TMEM63A: variants seen among roughly 807,000 people sequenced by gnomAD.
The protein encoded by TMEM63A is mechanosensitive cation channel TMEM63A.
In TMEM63A, 76 loss-of-function variants were observed where a neutral mutation model predicts 100.6. The observed-to-expected ratio is 0.76, with a 90% CI of 0.63 to 0.91. The LOEUF (loss-of-function observed/expected upper bound fraction) is 0.91. TMEM63A is among the 40% of genes least tolerant of loss of function. The probability of loss-of-function intolerance (pLI) is 0.00; values close to 1 mark genes in which losing one functional copy is unlikely to be tolerated. For synonymous variants in TMEM63A, 401 were observed against 401.1 expected (o/e 1.00, Z 0.00); for missense variants, 876 against 1,008.8 (o/e 0.87, Z 1.78).
rs187428730 is a variant in TMEM63A at position 225,854,786 on chromosome 1, C to T, written c.1635-995G>A. The stretch of plus-strand genomic sequence containing the variant: ...GAAGCCGTGGGTTCAGCTGAAGTCA[C>T]CTAGAGAGGCAGTGTGGACCCAGAA... On this transcript the variant is annotated intron_variant, in intron 18 of 24. Transcript: ENST00000366835. 3.7e-4 allele frequency among the ~76,000 whole-genome samples: 57 copies of T among 152,260 alleles called. 2 individuals are homozygous for T. The highest frequency in any genetic ancestry group is 4.1e-4 in the South Asian group (2 of 4,822).
chr1:225,867,480 T>C lies in TMEM63A; in HGVS notation c.515-317A>G, dbSNP rs549633877. Among the ~76,000 whole-genome samples, 1 of 152,254 alleles carries C rather than the reference T, an allele frequency of 6.6e-6. No homozygotes were observed. Among genetic ancestry groups the C allele is most frequent in the South Asian group, 2.1e-4 (1 of 4,834 alleles). ...CCACTGGGTATCCTAAGTGGATTCATGGTGGCATTTTGGAAGGTGGATTCT... is the reference window on the plus strand; with the variant it reads ...CCACTGGGTATCCTAAGTGGATTCACGGTGGCATTTTGGAAGGTGGATTCT... On this transcript the variant is annotated intron_variant, in intron 7 of 24. Transcript: ENST00000366835. The surrounding 1 kb of genome is among the most constrained non-coding windows in gnomAD (Gnocchi z 4.6).
chr1:225,878,312 G>A (rs1171190330), intron 2 of TMEM63A, among the ~76,000 whole-genome samples: 3 of 152,184 alleles, frequency 2.0e-5, no homozygotes, highest in Non-Finnish European at 2.9e-5. Flanking sequence ...TGCCACAGAG[G>A]AGAAAGTAAA....
intron 13 of TMEM63A, 162 bp from the exon 14 acceptor site, chr1:225,861,159 GCA>G (rs1669915832): frequency 1.4e-6 from 1 of 690,446 alleles, no homozygotes; most frequent in South Asian, 3.1e-5. Flanking sequence ...TGCCACGCTA[GCA>G]CAGTGTGTGG....
downstream of TMEM63A, chr1:225,845,444 C>A: frequency 1.5e-6 from 2 of 1,322,780 alleles, no homozygotes; most frequent in Non-Finnish European, 2.1e-6. Context: ...AGTTTGCCTC[C>A]GTCCCCTGCC....
chr1:225,848,295 C>T (rs1669125763), intron 23 of TMEM63A, 197 bp downstream of exon 23: 1 of 607,056 alleles, frequency 1.6e-6, no homozygotes, highest in South Asian at 2.0e-5. Flanking sequence ...ACTCTATCTC[C>T]TCAACAGTTT....
At chr1:225,855,084 T>C (rs1669551499) in intron 18 of TMEM63A, among the ~76,000 whole-genome samples, 1 of 152,186 alleles carries the variant, frequency 6.6e-6, no homozygotes, top group South Asian at 2.1e-4. Flanking sequence ...TCCCAACTCA[T>C]CAGCTTACTC....
In TMEM63A at chr1:225,874,329, G is replaced by C. The variant is rs1319674155; in HGVS notation, c.225C>G (p.Phe75Leu). 1 of 1,614,062 alleles carries C rather than the reference G, an allele frequency of 6.2e-7. No individual in the cohort carries two copies. Among genetic ancestry groups the C allele is most frequent in the Non-Finnish European group, 8.5e-7 (1 of 1,180,026 alleles). The change falls in exon 4 of 25, where the codon TTC becomes TTG. Residue 75 changes from phenylalanine (F) to leucine (L), a missense_variant. Phe to Leu is a conservative substitution (Grantham distance 22). Transcript: ENST00000366835. ...CCAGGGCAATGCGGCCATAGTCCCA[G>C]AATCTTCTTCTTATAATAGAAAACA... is the stretch of plus-strand genomic sequence containing the variant. ...ILVFSIIRRR[F>L]WDYGRIALVS... is the part of the protein sequence containing the mutation.
At chr1:225,872,570 G>T (rs1485925316) in intron 4 of TMEM63A, among the ~76,000 whole-genome samples, 1 of 152,038 alleles carries the variant, frequency 6.6e-6, no homozygotes, top group Admixed American at 6.6e-5. Context: ...GTGGACAAAT[G>T]ATGGCACTTT....
downstream of TMEM63A, chr1:225,840,932 A>G (rs1668348979): frequency 6.6e-6 from 1 of 152,240 alleles, no homozygotes; most frequent in Non-Finnish European, 1.5e-5. Flanking sequence ...CTCTGATTAT[A>G]AAATACATGT....
At chr1:225,863,095 C>G (rs1670027036) in intron 10 of TMEM63A, 2 of 504,854 alleles carry the variant, frequency 4.0e-6, no homozygotes, top group Admixed American at 6.4e-5. Flanking sequence ...ACTCTGTCAC[C>G]CAGGCTGCTG....
At chr1:225,844,439 C>T, downstream of TMEM63A, 1 of 1,613,610 alleles carries the variant, frequency 6.2e-7, no homozygotes, top group Non-Finnish European at 8.5e-7. Flanking sequence ...TTCTGGCTGC[C>T]CTTTGTCACA....
At position 225,867,808 on chromosome 1, in the gene TMEM63A, G is replaced by A; in HGVS notation, c.514+80C>T. 1.9e-6 allele frequency: 3 copies of A among 1,570,328 alleles called. No individual in the cohort carries two copies. Among genetic ancestry groups the A allele is most frequent in the Non-Finnish European group, 2.6e-6 (3 of 1,151,546 alleles). Reference sequence around the variant, plus strand: ...AGTGGGGCATGACTCCTGGGGTTCTGGTCTACCACAGTGAGCCCTTTCCCT... The same window carrying A: ...AGTGGGGCATGACTCCTGGGGTTCTAGTCTACCACAGTGAGCCCTTTCCCT... On this transcript the variant is annotated intron_variant, in intron 7 of 24. Coordinates refer to ENST00000366835, the MANE Select transcript of TMEM63A (RefSeq NM_014698.3). The surrounding 1 kb of genome is among the most constrained non-coding windows in gnomAD (Gnocchi z 4.6).
chr1:225,851,156 G>A (rs79620451), intron 20 of TMEM63A, among the ~76,000 whole-genome samples: 101 of 152,162 alleles, frequency 6.6e-4, no homozygotes, highest in African/African-American at 2.4e-3. Flanking sequence ...TTGGATGCCT[G>A]GCCTCAATTC....
chr1:225,848,431 A>G (rs1576063700), intron 23 of TMEM63A, 61 bp downstream of exon 23: 2 of 1,578,776 alleles, frequency 1.3e-6, no homozygotes, highest in African/African-American at 1.4e-5. Flanking sequence ...TCTGGTTGGG[A>G]CTGTTACAAC....
intron 14 of TMEM63A, 140 bp from the exon 15 acceptor site, chr1:225,859,489 G>T (rs1004374868): frequency 1.9e-6 from 2 of 1,028,160 alleles, no homozygotes; most frequent in African/African-American, 3.3e-5. Flanking sequence ...ACTACAGAAA[G>T]ACCAAATCTT....
At chr1:225,877,621 CA>C (rs1329842813) in intron 2 of TMEM63A, 27 bp from the exon 3 acceptor site, 2 of 1,578,698 alleles carry the variant, frequency 1.3e-6, no homozygotes, top group Non-Finnish European at 1.7e-6. Context: ...CAGGACAAGG[CA>C]GACGTTCAGG....
Position 225,872,003 on chromosome 1 carries a change from T to C in TMEM63A, c.317A>G (p.Asp106Gly), listed in dbSNP as rs757858670. The C allele has an allele frequency of 6.2e-7, 1 of 1,613,262 alleles. No homozygotes were observed. Among genetic ancestry groups the C allele is most frequent in the South Asian group, 1.1e-5 (1 of 91,022 alleles). The change falls in exon 5 of 25, where the codon GAC becomes GGC. Residue 106 changes from aspartate (D) to glycine (G), a missense_variant. By Grantham distance (94) the Asp-to-Gly change is moderately conservative. Transcript: ENST00000366835. ...LSSTSSSGQQ[D>G]FENELGCCPW... ...GATACCAACCAGCTCATTTTCAAAG[T>C]CTTGTTGACCTGAGGAGGAAGTCGA...
intron 20 of TMEM63A, 71 bp downstream of exon 20, chr1:225,852,593 C>T (rs1244697338): frequency 1.4e-6 from 2 of 1,466,126 alleles, no homozygotes; most frequent in Non-Finnish European, 1.9e-6. Context: ...TGATAGCTGT[C>T]CCCGAGAGGT....
downstream of TMEM63A, among the ~76,000 whole-genome samples, chr1:225,843,684 C>G (rs1213662630): frequency 6.6e-6 from 1 of 152,140 alleles, no homozygotes; most frequent in Non-Finnish European, 1.5e-5. Context: ...TAGACAGGAT[C>G]AGATCTGTGT....
Sources: gnomAD v4.1 joint callset for allele counts (sites outside exome capture counted in the v4.1 genomes callset) on GRCh38, gnomAD v4.1.1 for gene constraint, Gnocchi (gnomAD v3.1) non-coding constraint, MANE v1.5 for transcripts, NCBI Gene and HGNC (gene_info 2026-07-23, HGNC 2026-07-21) for gene names.